The following NRF1 variants were observed in gnomAD, a reference collection of about 807,000 sequenced individuals.
The protein encoded by NRF1 is nuclear respiratory factor 1.
In NRF1, 5 loss-of-function variants were observed where a neutral mutation model predicts 58.5. The ratio of observed to expected loss-of-function variants is 0.09; its 90% confidence interval spans 0.04 to 0.18. The LOEUF is 0.18. Ranked by LOEUF, NRF1 falls within the 10% of genes least tolerant of loss-of-function variation. NRF1 has a pLI of 1.00. For missense variants in NRF1, 288 were observed against 657.7 expected, an observed-to-expected ratio of 0.44 and a Z score of 6.15; for synonymous variants, 224 against 246.7, an observed-to-expected ratio of 0.91 and a Z score of 0.86.
At position 129,682,473 on chromosome 7, in the gene NRF1, C is replaced by A. The variant is rs536280091; in HGVS notation, c.465+4715C>A. 5.7e-3 allele frequency among the ~76,000 whole-genome samples: 857 copies of A among 149,966 alleles called. 5 individuals are homozygous for A. Among genetic ancestry groups the A allele is most frequent in the African/African-American group, 0.019 (786 of 40,766 alleles). On this transcript the variant is annotated intron_variant, in intron 4 of 10. Coordinates refer to ENST00000393232, the MANE Select transcript of NRF1 (RefSeq NM_005011.5). ...ACCCTGTCCCAAAGGAAAAAAAAAA[C>A]AAAACAAAAAAACCCCGCAATGATA... is the stretch of plus-strand genomic sequence containing the variant.
intron 1 of NRF1, among the ~76,000 whole-genome samples, chr7:129,616,638 T>G (rs1800665671): frequency 6.6e-6 from 1 of 152,196 alleles, no homozygotes; most frequent in African/African-American, 2.4e-5. Context: ...CTACCACATT[T>G]GTAATCTCTT....
At chr7:129,618,085 TGA>T (rs1800693883) in intron 1 of NRF1, among the ~76,000 whole-genome samples, 1 of 152,144 alleles carries the variant, frequency 6.6e-6, no homozygotes, top group South Asian at 2.1e-4. Flanking sequence ...TAGAGACTTG[TGA>T]GAGTATTGAA....
chr7:129,620,545 T>C (rs1466928112), intron 1 of NRF1, among the ~76,000 whole-genome samples: 1 of 151,994 alleles, frequency 6.6e-6, no homozygotes, highest in Non-Finnish European at 1.5e-5. Flanking sequence ...CCTGCCACCA[T>C]GCCCAGCTAA....
At chr7:129,645,542 G>A (rs1801386207) in intron 1 of NRF1, among the ~76,000 whole-genome samples, 1 of 152,206 alleles carries the variant, frequency 6.6e-6, no homozygotes, top group Admixed American at 6.5e-5. Flanking sequence ...TACGCAGTCC[G>A]CTAGGGAGTT....
chr7:129,692,269 T>TA (rs1802587735), intron 5 of NRF1, among the ~76,000 whole-genome samples: 1 of 152,114 alleles, frequency 6.6e-6, no homozygotes, highest in Non-Finnish European at 1.5e-5. Flanking sequence ...AGTAGTTTTT[T>TA]AAAAAACTTA....
chr7:129,625,926 C>T (rs1425145001), intron 1 of NRF1, among the ~76,000 whole-genome samples: 1 of 152,136 alleles, frequency 6.6e-6, no homozygotes, highest in African/African-American at 2.4e-5. Context: ...TTGTGATCCA[C>T]CCGCCTTGGC....
intron 3 of NRF1, among the ~76,000 whole-genome samples, chr7:129,675,416 A>G (rs1802153186): frequency 6.6e-6 from 1 of 152,210 alleles, no homozygotes; most frequent in African/African-American, 2.4e-5. Flanking sequence ...TGAATGGTGA[A>G]TCCGTTCTAG....
chr7:129,740,554 C>G (rs770718768), intron 10 of NRF1, among the ~76,000 whole-genome samples: 8 of 152,176 alleles, frequency 5.3e-5, no homozygotes, highest in Non-Finnish European at 8.8e-5. Flanking sequence ...AATTACCAGG[C>G]CTTTTCTGTC....
chr7:129,745,666 A>G (rs1008909000), intron 10 of NRF1, among the ~76,000 whole-genome samples: 3 of 152,122 alleles, frequency 2.0e-5, no homozygotes, highest in African/African-American at 7.2e-5. Flanking sequence ...GGCAGGGTCA[A>G]CAGGCCTTGC....
intron 10 of NRF1, among the ~76,000 whole-genome samples, chr7:129,736,163 C>T (rs1373266399): frequency 6.6e-6 from 1 of 152,042 alleles, no homozygotes; most frequent in Non-Finnish European, 1.5e-5. Flanking sequence ...TATCTTTTTA[C>T]ACTAGACAAT....
In NRF1 at chr7:129,667,386, C is replaced by T. The variant is rs148870611; in HGVS notation, c.224-4043C>T. On this transcript the variant is annotated intron_variant, in intron 2 of 10. Transcript: ENST00000393232. ...GAGCACCATTTTGGATCTTTATTGA[C>T]GTCTCAATTTTCTTTCTTTGCCTAT... Among the ~76,000 whole-genome samples, 132 of 152,190 alleles carry T rather than the reference C, an allele frequency of 8.7e-4. 1 individual carries two copies. The highest frequency in any genetic ancestry group is 2.8e-3 in the African/African-American group (115 of 41,546).
At chr7:129,664,159 A>C in intron 2 of NRF1, among the ~76,000 whole-genome samples, 2 of 148,294 alleles carry the variant, frequency 1.3e-5, no homozygotes, top group South Asian at 2.3e-4. Context: ...AAAGGGAGGG[A>C]GAGGGTAGGG....
chr7:129,710,969 G>A (rs971268659), intron 7 of NRF1, among the ~76,000 whole-genome samples: 2 of 150,506 alleles, frequency 1.3e-5, no homozygotes, highest in Non-Finnish European at 3.0e-5. Context: ...TTTAAGTAGA[G>A]ATGAGGTCTT....
At position 129,736,172 on chromosome 7, in the gene NRF1, A is replaced by G. The variant is rs117018496; in HGVS notation, c.1348+8807A>G. Among the ~76,000 whole-genome samples the G allele has an allele frequency of 7.5e-3, 1,134 of 152,208 alleles. 9 individuals are homozygous for G. Among genetic ancestry groups the G allele is most frequent in the Non-Finnish European group, 0.011 (715 of 68,020 alleles). The stretch of plus-strand genomic sequence containing the variant: ...ACATTCTATCTTTTTACACTAGACA[A>G]TCTTCACCTTTTCACATCCCTGTTT... On this transcript the variant is annotated intron_variant, in intron 10 of 10. Transcript: ENST00000393232.
chr7:129,697,069 G>T (rs954620394), intron 5 of NRF1, among the ~76,000 whole-genome samples: 1 of 152,134 alleles, frequency 6.6e-6, no homozygotes, highest in African/African-American at 2.4e-5. Flanking sequence ...TTAATTATAT[G>T]TATTGCCTAT....
chr7:129,677,715 A>G lies in NRF1; in HGVS notation c.422A>G (p.Asn141Ser). The G allele has an allele frequency of 6.2e-7, 1 of 1,613,904 alleles. No homozygotes were observed. Among genetic ancestry groups the G allele is most frequent in the Non-Finnish European group, 8.5e-7 (1 of 1,179,952 alleles). Residue 141 changes from asparagine to serine, a missense_variant, in exon 4 of 11, where the codon AAC becomes AGC. Transcript: ENST00000393232. Reference protein sequence around the residue: ...IVLCISPSKPNPVFKVFGAAP... With the variant: ...IVLCISPSKPSPVFKVFGAAP... ...CTCTGTATCTCACCCTCCAAACCTA[A>G]CCCTGTCTTTAAAGTGTTTGGTGCA...
intron 1 of NRF1, among the ~76,000 whole-genome samples, chr7:129,648,853 A>T (rs1435905374): frequency 1.4e-5 from 2 of 143,666 alleles, no homozygotes; most frequent in African/African-American, 2.6e-5. Context: ...ATTATATTTC[A>T]TTTTCTGTAT....
chr7:129,731,611 C>CTTGTTTGTTTGTTTGT (rs71167211), intron 10 of NRF1, among the ~76,000 whole-genome samples: 143 of 149,820 alleles, frequency 9.5e-4, no homozygotes, highest in East Asian at 4.0e-3. Context: ...CCTTCCTTTA[C>CTTGTTTGTTTGTTTGT]TTGTTTGTTT....
Position 129,690,554 on chromosome 7 carries a change from G to A in NRF1, c.606+8G>A. On this transcript the variant is annotated splice_region_variant and intron_variant, in intron 5 of 10. Coordinates refer to ENST00000393232, the MANE Select transcript of NRF1 (RefSeq NM_005011.5). ...GTGGACAAAATGACCCAGGTGAGGG[G>A]TGGGAGGTGAGGAGGAGACTCAAAG... is the stretch of plus-strand genomic sequence containing the variant. 6.2e-7 allele frequency: 1 copy of A among 1,614,158 alleles called. No individual in the cohort carries two copies. The highest frequency in any genetic ancestry group is 8.5e-7 in the Non-Finnish European group (1 of 1,179,998).
Sources: allele counts gnomAD v4.1 joint callset (sites outside exome capture counted in the v4.1 genomes callset), GRCh38; gene constraint gnomAD v4.1.1; transcripts MANE v1.5; gene names NCBI Gene and HGNC (gene_info 2026-07-23, HGNC 2026-07-21).